Variants in TENM1 observed in about 807,000 individuals in gnomAD.
The protein encoded by TENM1 is teneurin transmembrane protein 1, also known as teneurin-1.
TENM1 carries 35 observed loss-of-function variants against 174.8 expected under a neutral mutation model. That is an observed-to-expected ratio of 0.20 (90% CI 0.15 to 0.27). The LOEUF (loss-of-function observed/expected upper bound fraction) is 0.27, where lower values mean the gene tolerates loss of function less well. Among genes scored for constraint, TENM1 ranks in the 10% least tolerant of loss-of-function variants. The pLI is 1.00. For synonymous variants in TENM1, 781 were observed against 798.7 expected, an observed-to-expected ratio of 0.98 and a Z score of 0.37; for missense variants, 1,633 against 2,130.1, an observed-to-expected ratio of 0.77 and a Z score of 4.59.
chrX:124,380,528 T>C, exon 32 of TENM1: 5 of 1,180,402 alleles, frequency 4.2e-6, no homozygotes, highest in Non-Finnish European at 5.7e-6. Context: ...AAGGCAGAGA[T>C]ATTTTTGTTA....
chrX:125,172,321 AC>A, the TENM1 span, among the ~76,000 whole-genome samples: 96 of 99,214 alleles, frequency 9.7e-4, 1 homozygote, highest in African/African-American at 2.3e-3. Flanking sequence ...ATTCAACCTC[AC>A]CCCCCCCCAT....
At chrX:124,873,692 T>C (rs2057148684) in intron 3 of TENM1, among the ~76,000 whole-genome samples, 1 of 111,551 alleles carries the variant, frequency 9.0e-6, no homozygotes, top group Non-Finnish European at 1.9e-5. Context: ...TTTTGTTTAA[T>C]GATGCATCTT....
chrX:124,503,512 T>C (rs2047377872), intron 19 of TENM1, 48 bp downstream of exon 22: 3 of 1,130,640 alleles, frequency 2.7e-6, no homozygotes, highest in Non-Finnish European at 3.6e-6. Flanking sequence ...ATATGTATTA[T>C]ACAGCATTAG....
intron 17 of TENM1, among the ~76,000 whole-genome samples, chrX:124,521,204 A>C (rs1247252104): frequency 8.9e-6 from 1 of 111,942 alleles, no homozygotes; most frequent in Non-Finnish European, 1.9e-5. Context: ...GTGTTAAGTC[A>C]TATATCATAA....
chrX:124,520,815 T>C lies in TENM1; in HGVS notation c.3034-31A>G, dbSNP rs1161039973. The C allele has an allele frequency of 4.7e-6, 5 of 1,071,499 alleles. No individual in the cohort carries two copies. In the African/African-American group the frequency reaches 7.7e-5, roughly 17 times the overall value. 88.3% of individuals were successfully genotyped at this position (1,071,499 alleles called of 1,213,427 possible). A position where few individuals can be genotyped will look rare whatever the true frequency, so the allele number is the denominator to read the frequency against. On this transcript the variant is annotated intron_variant, in intron 17 of 31. Coordinates refer to ENST00000422452, the Ensembl canonical transcript of TENM1. ...ATAAAAAAAAAAAAAAAAAGCCAAA[T>C]AGGCTCTTGTCAGTGGTCGCAGGTA...
chrX:124,416,023 C>CA (rs1223460385), intron 25 of TENM1, among the ~76,000 whole-genome samples: 1 of 111,581 alleles, frequency 9.0e-6, no homozygotes, highest in Non-Finnish European at 1.9e-5. Context: ...CTCTTTACAG[C>CA]AAAACTCCTC....
At chrX:124,954,792 T>C (rs180774884) in intron 1 of TENM1, among the ~76,000 whole-genome samples, 15 of 111,904 alleles carry the variant, frequency 1.3e-4, no homozygotes, top group African/African-American at 4.5e-4. Flanking sequence ...TTGTCATTAA[T>C]GTTCCCACAT....
At position 124,386,101 on chromosome X, in the gene TENM1, C is replaced by A. The variant is rs181503200; in HGVS notation, c.5689-37G>T. ...CAAAGGCAGAATAGCATATTATGGA[C>A]AACTAAAGTTGAGGCGACTAAAGAA... On this transcript the variant is annotated intron_variant, in intron 28 of 31. Coordinates refer to ENST00000422452, the Ensembl canonical transcript of TENM1. 521 of 1,128,724 alleles carry A rather than the reference C, an allele frequency of 4.6e-4. 1 individual carries two copies. In the African/African-American group the frequency reaches 8.5e-3, roughly 18 times the overall value. 93.0% of individuals were successfully genotyped at this position (1,128,724 alleles called of 1,213,427 possible).
chrX:124,968,058 G>A (rs1417731661), upstream of TENM1, among the ~76,000 whole-genome samples: 3 of 112,046 alleles, frequency 2.7e-5, no homozygotes, highest in Non-Finnish European at 5.6e-5. Context: ...AATACTCAAA[G>A]TAGAGTTTAG....
the TENM1 span, among the ~76,000 whole-genome samples, chrX:125,203,091 G>T: frequency 0.017 from 1,966 of 112,823 alleles, 58 homozygotes; most frequent in African/African-American, 0.059. Context: ...TTTTGACAAA[G>T]ATTGACAAAG....
intron 18 of TENM1, among the ~76,000 whole-genome samples, chrX:124,519,706 T>C (rs2047797050): frequency 9.0e-6 from 1 of 111,200 alleles, no homozygotes; most frequent in Non-Finnish European, 1.9e-5. Flanking sequence ...ATAAAGACTT[T>C]GGTGTTAGTT....
At chrX:124,381,390 C>T in intron 31 of TENM1, 96 bp from the exon 35 acceptor site, 1 of 836,325 alleles carries the variant, frequency 1.2e-6, no homozygotes, top group Non-Finnish European at 1.7e-6. Context: ...AGTTTGCTTC[C>T]TTCTCTCTTT....
intron 11 of TENM1, among the ~76,000 whole-genome samples, chrX:124,607,446 G>C (rs138239144): frequency 4.0e-4 from 44 of 111,063 alleles, no homozygotes; most frequent in African/African-American, 1.3e-3. Context: ...TATTTGGAGG[G>C]AGGCAGGCAG....
At chrX:125,179,676 C>T in the TENM1 span, among the ~76,000 whole-genome samples, 4 of 110,549 alleles carry the variant, frequency 3.6e-5, no homozygotes, top group African/African-American at 1.3e-4. Context: ...AAGTGTAGTG[C>T]CTGGACCAGT....
chrX:124,412,833 GC>G (rs766099864), intron 25 of TENM1, among the ~76,000 whole-genome samples: 5 of 112,751 alleles, frequency 4.4e-5, no homozygotes, highest in Middle Eastern at 4.6e-3. Context: ...CCAGAATATT[GC>G]CATGAATTTC....
At chrX:124,705,418 T>C (rs1352279785) in intron 4 of TENM1, among the ~76,000 whole-genome samples, 167 bp from the exon 8 acceptor site, 1 of 111,983 alleles carries the variant, frequency 8.9e-6, no homozygotes, top group Non-Finnish European at 1.9e-5. Context: ...ATTGCCCTTG[T>C]TGTTCTCTCT....
chrX:124,821,476 T>C lies in TENM1; in HGVS notation c.535+72820A>G, dbSNP rs148263972. Among the ~76,000 whole-genome samples the C allele has an allele frequency of 2.3e-3, 259 of 112,442 alleles. 1 individual carries two copies. The highest frequency in any genetic ancestry group is 7.8e-3 in the African/African-American group (243 of 30,988). On this transcript the variant is annotated intron_variant, in intron 3 of 31. Coordinates refer to ENST00000422452, the Ensembl canonical transcript of TENM1. Reference sequence around the variant, plus strand: ...CCCATGATATTATTACCCATGTAATTTTCTACAAAATAGTTCATGAAAAGA... The same window carrying C: ...CCCATGATATTATTACCCATGTAATCTTCTACAAAATAGTTCATGAAAAGA...
At chrX:124,421,112 T>A (rs946142600) in intron 24 of TENM1, among the ~76,000 whole-genome samples, 1 of 111,970 alleles carries the variant, frequency 8.9e-6, no homozygotes, top group African/African-American at 3.2e-5. Flanking sequence ...AAACAAGAAC[T>A]GCAAATAATG....
chrX:124,915,317 G>A (rs1191485362), intron 1 of TENM1, among the ~76,000 whole-genome samples: 1 of 112,067 alleles, frequency 8.9e-6, no homozygotes, highest in East Asian at 2.8e-4. Flanking sequence ...CTGAGGTTAG[G>A]AGTTTGAGAC....
Sources: gnomAD v4.1 joint callset for allele counts (sites outside exome capture counted in the v4.1 genomes callset) on GRCh38, gnomAD v4.1.1 for gene constraint, MANE v1.5 for transcripts, NCBI Gene and HGNC (gene_info 2026-07-23, HGNC 2026-07-21) for gene names.